The following TRPM3 variants were observed in gnomAD, a reference collection of about 807,000 sequenced individuals.
TRPM3 encodes the protein long transient receptor potential channel 3.
Under a neutral mutation model 181.2 loss-of-function variants are expected in TRPM3, and 77 were observed. That is an observed-to-expected ratio of 0.42 (90% CI 0.35 to 0.51). The LOEUF is 0.51. Among genes scored for constraint, TRPM3 ranks in the 20% least tolerant of loss-of-function variants. The pLI, the probability that TRPM3 is intolerant of heterozygous loss-of-function variation, is 0.01. For synonymous variants in TRPM3, 745 were observed against 796.4 expected (o/e 0.94, Z 1.09); for missense variants, 1,759 against 2,196.7 (o/e 0.80, Z 3.98).
chr9:70,928,141 C>G (rs2096739936), intron 1 of TRPM3, among the ~76,000 whole-genome samples: 1 of 152,082 alleles, frequency 6.6e-6, no homozygotes, highest in South Asian at 2.1e-4. Flanking sequence ...GATCTAGGGC[C>G]AAATGCCACT....
At chr9:71,368,295 A>C (rs1447736469) in intron 1 of TRPM3, among the ~76,000 whole-genome samples, 1 of 152,208 alleles carries the variant, frequency 6.6e-6, no homozygotes, top group Non-Finnish European at 1.5e-5. Flanking sequence ...AGCCCAGGGA[A>C]GCTACTGCAA....
intron 22 of TRPM3, among the ~76,000 whole-genome samples, chr9:70,573,164 A>G (rs1371747804): frequency 6.6e-6 from 1 of 152,258 alleles, no homozygotes; most frequent in Non-Finnish European, 1.5e-5. Flanking sequence ...TCAGATGCTT[A>G]CACCTAAATG....
At chr9:71,289,645 A>ACC (rs753404013) in intron 1 of TRPM3, among the ~76,000 whole-genome samples, 1 of 152,100 alleles carries the variant, frequency 6.6e-6, no homozygotes, top group Admixed American at 6.6e-5. Flanking sequence ...AGGTGGGCAT[A>ACC]TCACTTGAGG....
intron 1 of TRPM3, among the ~76,000 whole-genome samples, chr9:71,026,642 G>A (rs1428444437): frequency 6.6e-6 from 1 of 152,044 alleles, no homozygotes; most frequent in Non-Finnish European, 1.5e-5. Context: ...ATTGCCATGG[G>A]AGCACTGGTG....
At chr9:71,259,699 G>A (rs1375401364) in intron 1 of TRPM3, among the ~76,000 whole-genome samples, 1 of 152,102 alleles carries the variant, frequency 6.6e-6, no homozygotes, top group Non-Finnish European at 1.5e-5. Context: ...CTTCTTTTGA[G>A]AAGGGTCTGT....
At chr9:71,445,093 A>G (rs980310624) in intron 1 of TRPM3, among the ~76,000 whole-genome samples, 23 of 152,180 alleles carry the variant, frequency 1.5e-4, no homozygotes, top group African/African-American at 5.3e-4. Flanking sequence ...CTTTTCCCAC[A>G]TTTTTATTCT....
At chr9:70,923,871 CATAT>C (rs1194397047) in intron 1 of TRPM3, among the ~76,000 whole-genome samples, 43 of 138,982 alleles carry the variant, frequency 3.1e-4, no homozygotes, top group African/African-American at 1.1e-3. Context: ...TATATATATA[CATAT>C]ATATACACAC....
chr9:71,029,186 C>T (rs1341127846), intron 1 of TRPM3, among the ~76,000 whole-genome samples: 1 of 152,130 alleles, frequency 6.6e-6, no homozygotes, highest in African/African-American at 2.4e-5. Context: ...ATACCAGAAT[C>T]TCTGGGATAT....
At chr9:71,237,133 G>A (rs1336414741) in intron 1 of TRPM3, among the ~76,000 whole-genome samples, 1 of 151,676 alleles carries the variant, frequency 6.6e-6, no homozygotes, top group Non-Finnish European at 1.5e-5. Context: ...AGAAGAAAAG[G>A]AAAATTATCT....
At chr9:71,374,901 C>A (rs62545037) in intron 1 of TRPM3, among the ~76,000 whole-genome samples, 29,265 of 151,902 alleles carry the variant, frequency 0.19, 3,203 homozygotes, top group Middle Eastern at 0.27. Context: ...AAGTGAAGGA[C>A]CTCTTCAAGA....
At chr9:71,286,941 TAA>T (rs1281617602) in intron 1 of TRPM3, among the ~76,000 whole-genome samples, 1 of 136,626 alleles carries the variant, frequency 7.3e-6, no homozygotes, top group African/African-American at 2.8e-5. Flanking sequence ...TATATATATA[TAA>T]TTTATATTTT....
intron 1 of TRPM3, among the ~76,000 whole-genome samples, chr9:71,211,374 T>A (rs944538398): frequency 6.6e-6 from 1 of 151,508 alleles, no homozygotes; most frequent in African/African-American, 2.4e-5. Context: ...TTTTTTTTTT[T>A]AAATAGGAAG....
chr9:70,888,677 T>A (rs1564692751), intron 1 of TRPM3, among the ~76,000 whole-genome samples: 1 of 152,140 alleles, frequency 6.6e-6, no homozygotes, highest in South Asian at 2.1e-4. Context: ...GTTCACTAGA[T>A]CTGCCTGTCT....
chr9:71,225,855 C>G (rs539118625), intron 1 of TRPM3, among the ~76,000 whole-genome samples: 235 of 151,742 alleles, frequency 1.5e-3, no homozygotes, highest in African/African-American at 5.4e-3. Flanking sequence ...TGGGGTTTCA[C>G]CATGTCAGCC....
At chr9:71,254,498 G>A (rs191188646) in intron 1 of TRPM3, among the ~76,000 whole-genome samples, 13 of 152,216 alleles carry the variant, frequency 8.5e-5, no homozygotes, top group Admixed American at 7.8e-4. Flanking sequence ...TTTCACCATG[G>A]AAAGTTATAA....
At chr9:70,566,230 G>A (rs748231929) in intron 22 of TRPM3, among the ~76,000 whole-genome samples, 8 of 152,098 alleles carry the variant, frequency 5.3e-5, no homozygotes, top group Non-Finnish European at 7.4e-5. Flanking sequence ...GGAAGCCCAC[G>A]GGTGGTGGTG....
intron 19 of TRPM3, among the ~76,000 whole-genome samples, chr9:70,610,364 C>A (rs1313031749): frequency 2.6e-5 from 4 of 152,084 alleles, no homozygotes; most frequent in African/African-American, 9.7e-5. Context: ...CATCTCACCT[C>A]TATTACTGTT....
At chr9:71,146,372 A>G (rs1437958559) in intron 1 of TRPM3, among the ~76,000 whole-genome samples, 1 of 152,140 alleles carries the variant, frequency 6.6e-6, no homozygotes, top group Non-Finnish European at 1.5e-5. Context: ...AATCCACCAC[A>G]TGTCAAAGAC....
chr9:71,134,388 C>T (rs2074623294), intron 1 of TRPM3, among the ~76,000 whole-genome samples: 2 of 151,886 alleles, frequency 1.3e-5, no homozygotes, highest in African/African-American at 4.8e-5. Context: ...CCCATCTCTA[C>T]TAAAAATACA....
Sources: allele counts gnomAD v4.1 joint callset (sites outside exome capture counted in the v4.1 genomes callset), GRCh38; gene constraint gnomAD v4.1.1; transcripts MANE v1.5; gene names NCBI Gene and HGNC (gene_info 2026-07-23, HGNC 2026-07-21).